AFDN: variants seen among roughly 807,000 people sequenced by gnomAD.
The protein encoded by AFDN is afadin, adherens junction formation factor.
A neutral mutation model predicts 216.6 loss-of-function variants in AFDN; 68 were observed. That is an observed-to-expected ratio of 0.31 (90% CI 0.26 to 0.38). The LOEUF is 0.38. Ranked by LOEUF, AFDN falls within the 10% of genes least tolerant of loss-of-function variation. The pLI, the probability that AFDN is intolerant of heterozygous loss-of-function variation, is 1.00. For missense variants in AFDN, 2,136 were observed against 2,342.0 expected, an observed-to-expected ratio of 0.91 and a Z score of 1.82; for synonymous variants, 868 against 853.7, an observed-to-expected ratio of 1.02 and a Z score of -0.29.
intron 20 of AFDN, among the ~76,000 whole-genome samples, chr6:167,918,260 CT>C (rs1406825429): frequency 6.6e-6 from 1 of 152,144 alleles, no homozygotes; most frequent in African/African-American, 2.4e-5. Flanking sequence ...GAAATAACCT[CT>C]ATATATTGAT....
rs781320861 is a variant in AFDN at position 167,951,293 on chromosome 6, A to G, written c.3939A>G (p.Ile1313Met). 1 of 1,614,200 alleles carries G rather than the reference A, an allele frequency of 6.2e-7. No homozygotes were observed. Among genetic ancestry groups the G allele is most frequent in the Admixed American group, 1.7e-5 (1 of 60,020 alleles). ...MDRKSDSDMWINQSSSLDSST... is the reference protein window; with the variant it reads ...MDRKSDSDMWMNQSSSLDSST... Reference sequence around the variant, plus strand: ...GAAAGTCTGATAGTGATATGTGGATAAATCAGAGCTCCTCACTGGACTCCA... The same window carrying G: ...GAAAGTCTGATAGTGATATGTGGATGAATCAGAGCTCCTCACTGGACTCCA... The change falls in exon 30 of 34, where the codon ATA becomes ATG. Residue 1313 changes from isoleucine (I) to methionine (M), a missense_variant. Coordinates refer to ENST00000683244, the MANE Select transcript of AFDN (RefSeq NM_001386888.1). The surrounding 1 kb of genome is among the most constrained non-coding windows in gnomAD (Gnocchi z 7.1).
At chr6:167,827,782 C>G (rs778268705) in intron 1 of AFDN, 2 of 152,114 alleles carry the variant, frequency 1.3e-5, no homozygotes, top group African/African-American at 2.4e-5. Flanking sequence ...TGGCACAGGC[C>G]CGGAGTCGGA....
chr6:167,856,478 A>C (rs141985907), intron 1 of AFDN, among the ~76,000 whole-genome samples: 3 of 152,216 alleles, frequency 2.0e-5, no homozygotes, highest in African/African-American at 7.2e-5. Flanking sequence ...TTATGTGCAC[A>C]TACTCTTAGG....
chr6:167,965,213 G>A (rs1797421955), intron 31 of AFDN: 4 of 365,408 alleles, frequency 1.1e-5, no homozygotes, highest in Non-Finnish European at 1.5e-5. Context: ...AGTAAACAGG[G>A]TGGTTCACTC....
intron 2 of AFDN, among the ~76,000 whole-genome samples, chr6:167,868,029 CTCTT>C (rs1784381990): frequency 6.6e-6 from 1 of 152,204 alleles, no homozygotes; most frequent in East Asian, 1.9e-4. Context: ...GTTACTGCCT[CTCTT>C]TCTGACAGTT....
chr6:167,893,518 G>A (rs746867300), intron 8 of AFDN, among the ~76,000 whole-genome samples: 1 of 152,080 alleles, frequency 6.6e-6, no homozygotes, highest in Non-Finnish European at 1.5e-5. Context: ...CTTTGCTTTG[G>A]ATTTGAATGT....
At chr6:167,917,325 G>A in intron 20 of AFDN, 93 bp downstream of exon 20, 9 of 1,252,150 alleles carry the variant, frequency 7.2e-6, no homozygotes, top group South Asian at 3.9e-5. Flanking sequence ...TATTTAATAC[G>A]TTAACTTATT....
chr6:167,951,183 C>A lies in AFDN; in HGVS notation c.3832-3C>A. ...AATATAATAATTCTTTTTCTTTTTG[C>A]AGCGTGTTACACGTTCCCAAGAAGA... On this transcript the variant is annotated splice_region_variant and splice_polypyrimidine_tract_variant and intron_variant, in intron 29 of 33. Transcript: ENST00000683244. The surrounding 1 kb of genome is among the most constrained non-coding windows in gnomAD (Gnocchi z 7.1). The A allele has an allele frequency of 1.3e-6, 2 of 1,521,140 alleles. No homozygotes were observed. The highest frequency in any genetic ancestry group is 1.3e-5 in the South Asian group (1 of 76,012). The allele number at this position is 1,521,140 out of a possible 1,614,324, so 94.2% of individuals were successfully genotyped here.
In AFDN at chr6:167,880,257, G is replaced by C. The variant is rs1012588608; in HGVS notation, c.740-103G>C. On this transcript the variant is annotated intron_variant, in intron 5 of 33. Coordinates refer to ENST00000683244, the MANE Select transcript of AFDN (RefSeq NM_001386888.1). The stretch of plus-strand genomic sequence containing the variant: ...GCAGATTGTCTTTACACTCATTTTA[G>C]CTAGAATGCAGGTACCTTTTTCTCA... The C allele has an allele frequency of 4.0e-5, 42 of 1,038,668 alleles. No homozygotes were observed. The Admixed American group carries it at 8.9e-4, about 22-fold the overall frequency. 64.3% of individuals were successfully genotyped at this position (1,038,668 alleles called of 1,614,324 possible).
chr6:167,907,122 G>T, intron 12 of AFDN, 49 bp from the exon 13 acceptor site: 1 of 1,397,428 alleles, frequency 7.2e-7, no homozygotes, highest in Non-Finnish European at 1.0e-6. Flanking sequence ...TGTCAAGCTT[G>T]GTTGGTCTGT....
intron 1 of AFDN, among the ~76,000 whole-genome samples, chr6:167,830,084 TTAC>T (rs1779658492): frequency 6.6e-6 from 1 of 152,232 alleles, no homozygotes; most frequent in Non-Finnish European, 1.5e-5. Context: ...AATGTCTTGA[TTAC>T]TATGAAAAGC....
chr6:167,925,166 G>A (rs977412752), intron 23 of AFDN, 75 bp downstream of exon 23: 14 of 1,045,496 alleles, frequency 1.3e-5, no homozygotes, highest in South Asian at 2.6e-5. Flanking sequence ...AGAGTGGATC[G>A]TGTGGGAGTA....
rs1301321989 is a variant in AFDN, at chr6:167,946,867, T to C, written c.3519T>C (p.Asn1173=). ...CTGGTGATGACAGACTGATGAAAAA[T>C]AGAGCTGATCACCGTTCCAGCCCCA... ...KLPGDDRLMK[N]RADHRSSPNV... The change falls in exon 27 of 34, where the codon AAT becomes AAC. Residue 1173 remains asparagine, a synonymous_variant. Transcript: ENST00000683244. The C allele has an allele frequency of 2.5e-6, 4 of 1,612,668 alleles. No homozygotes were observed. The highest frequency in any genetic ancestry group is 2.2e-5 in the East Asian group (1 of 44,802).
At chr6:167,873,762 A>T (rs773352617) in intron 4 of AFDN, among the ~76,000 whole-genome samples, 2 of 152,246 alleles carry the variant, frequency 1.3e-5, no homozygotes, top group Non-Finnish European at 2.9e-5. Flanking sequence ...ATAAGGCAAC[A>T]TCTTTCCACA....
intron 1 of AFDN, among the ~76,000 whole-genome samples, chr6:167,840,195 G>C (rs1780907425): frequency 6.6e-6 from 1 of 152,160 alleles, no homozygotes; most frequent in African/African-American, 2.4e-5. Context: ...AAATTTGTAG[G>C]AAATAGCTGG....
intron 23 of AFDN, among the ~76,000 whole-genome samples, chr6:167,937,145 G>A (rs1419967633): frequency 6.6e-6 from 1 of 152,208 alleles, no homozygotes; most frequent in Non-Finnish European, 1.5e-5. Context: ...GACAGGGAAT[G>A]TGTCCACGGA....
At chr6:167,937,481 C>G (rs1202377623) in intron 23 of AFDN, among the ~76,000 whole-genome samples, 3 of 152,138 alleles carry the variant, frequency 2.0e-5, no homozygotes, top group African/African-American at 7.2e-5. Flanking sequence ...CTCTTGGCCT[C>G]AAGCAGTCCT....
rs114284952 is a variant in AFDN at position 167,900,059 on chromosome 6, T to C, written c.1580+1592T>C. Among the ~76,000 whole-genome samples, 693 of 152,340 alleles carry C rather than the reference T, an allele frequency of 4.5e-3. 10 individuals are homozygous for C. The highest frequency in any genetic ancestry group is 0.016 in the African/African-American group (653 of 41,576). On this transcript the variant is annotated intron_variant, in intron 11 of 33. Coordinates refer to ENST00000683244, the MANE Select transcript of AFDN (RefSeq NM_001386888.1). ...ATTTCTGGCCAGCAGCAGAGATCAT[T>C]GAAGAACATGGCTTAGGTTTCAATG...
At chr6:167,930,579 TG>T (rs902288915) in intron 23 of AFDN, among the ~76,000 whole-genome samples, 3 of 152,072 alleles carry the variant, frequency 2.0e-5, no homozygotes, top group Admixed American at 1.3e-4. Flanking sequence ...GGAAGCCATG[TG>T]GGGTGTGTGG....
Sources: gnomAD v4.1 joint callset for allele counts (sites outside exome capture counted in the v4.1 genomes callset) on GRCh38, gnomAD v4.1.1 for gene constraint, Gnocchi (gnomAD v3.1) non-coding constraint, MANE v1.5 for transcripts, NCBI Gene and HGNC (gene_info 2026-07-23, HGNC 2026-07-21) for gene names.